NREP: variants seen among roughly 807,000 people sequenced by gnomAD.
NREP encodes the protein neuronal regeneration related protein, also known as neuronal regeneration-related protein.
In NREP, 5 loss-of-function variants were observed where a neutral mutation model predicts 8.6. The observed-to-expected ratio is 0.58, with a 90% CI of 0.30 to 1.22. The LOEUF (loss-of-function observed/expected upper bound fraction) is 1.22. Among genes scored for constraint, NREP ranks in the 50% most tolerant of loss-of-function variants. NREP has a pLI of 0.07. For synonymous variants in NREP, 27 were observed against 28.0 expected (o/e 0.96, Z 0.11); for missense variants, 86 against 82.5 (o/e 1.04, Z -0.17).
At chr5:111,932,325 C>T (rs1355862771) in intron 2 of NREP, among the ~76,000 whole-genome samples, 1 of 151,940 alleles carries the variant, frequency 6.6e-6, no homozygotes, top group Admixed American at 6.6e-5. Flanking sequence ...TCACAATATA[C>T]ACTGAATGGA....
chr5:111,931,923 G>A (rs1755548451), intron 2 of NREP, among the ~76,000 whole-genome samples: 1 of 151,934 alleles, frequency 6.6e-6, no homozygotes, highest in South Asian at 2.1e-4. Flanking sequence ...ACAACCATCT[G>A]GTGAGAGGCT....
At chr5:111,793,775 C>A (rs1310817651) in intron 2 of NREP, among the ~76,000 whole-genome samples, 2 of 152,148 alleles carry the variant, frequency 1.3e-5, no homozygotes, top group African/African-American at 4.8e-5. Context: ...TAAAAAATTT[C>A]TGGCTGGGCA....
chr5:111,849,007 T>C (rs570652290), intron 2 of NREP, among the ~76,000 whole-genome samples: 2 of 152,272 alleles, frequency 1.3e-5, no homozygotes, highest in East Asian at 3.9e-4. Flanking sequence ...TGGGTTAACC[T>C]CTGGTGTACA....
intron 2 of NREP, among the ~76,000 whole-genome samples, chr5:111,877,872 C>T (rs957394240): frequency 6.6e-6 from 1 of 152,184 alleles, no homozygotes; most frequent in Non-Finnish European, 1.5e-5. Context: ...CTAGTGTTAC[C>T]AGGTACCACA....
intron 2 of NREP, among the ~76,000 whole-genome samples, chr5:111,787,650 C>T (rs990222298): frequency 3.4e-4 from 51 of 151,740 alleles, no homozygotes; most frequent in African/African-American, 1.2e-3. Context: ...TAGTTAAAGC[C>T]GTAATTTCCA....
intron 2 of NREP, among the ~76,000 whole-genome samples, chr5:111,753,330 T>TTATATATATA (rs10546970): frequency 2.6e-4 from 36 of 140,800 alleles, no homozygotes; most frequent in African/African-American, 3.9e-4. Flanking sequence ...CAAGTTGATT[T>TTATATATATA]TATATATATA....
chr5:111,850,765 C>T (rs532229275), intron 2 of NREP, among the ~76,000 whole-genome samples: 8 of 152,154 alleles, frequency 5.3e-5, no homozygotes, highest in Non-Finnish European at 1.0e-4. Context: ...TCGTAAAACA[C>T]CACTTTTCTT....
chr5:111,976,271 T>C (rs1393224049), intron 1 of NREP, among the ~76,000 whole-genome samples: 1 of 152,236 alleles, frequency 6.6e-6, no homozygotes, highest in African/African-American at 2.4e-5. Flanking sequence ...AAACTAATAT[T>C]TGTTCTATGG....
intron 2 of NREP, among the ~76,000 whole-genome samples, chr5:111,946,040 G>C (rs974321181): frequency 6.6e-6 from 1 of 150,852 alleles, no homozygotes; most frequent in Non-Finnish European, 1.5e-5. Flanking sequence ...TGGACTAAGA[G>C]TGGAAAAGAG....
At chr5:111,747,686 C>T (rs1482060172) in intron 2 of NREP, among the ~76,000 whole-genome samples, 1 of 152,108 alleles carries the variant, frequency 6.6e-6, no homozygotes, top group Non-Finnish European at 1.5e-5. Flanking sequence ...TCCCAAATTT[C>T]AGTGAAAAGG....
chr5:111,968,239 G>C (rs1756700617), intron 2 of NREP, among the ~76,000 whole-genome samples: 1 of 151,656 alleles, frequency 6.6e-6, no homozygotes, highest in Non-Finnish European at 1.5e-5. Flanking sequence ...GGTACTTCAG[G>C]TTTAAAACAC....
chr5:111,939,319 G>A (rs1037487302), intron 2 of NREP, among the ~76,000 whole-genome samples: 3 of 151,978 alleles, frequency 2.0e-5, no homozygotes, highest in African/African-American at 7.2e-5. Flanking sequence ...TGATGGAGTA[G>A]GAAAAATACA....
At chr5:111,922,454 C>A (rs916333453) in intron 2 of NREP, among the ~76,000 whole-genome samples, 5 of 152,106 alleles carry the variant, frequency 3.3e-5, no homozygotes, top group Non-Finnish European at 7.4e-5. Flanking sequence ...AGTTAGTGAA[C>A]GTATCCACTG....
intron 2 of NREP, among the ~76,000 whole-genome samples, chr5:111,812,658 T>C (rs370345622): frequency 3.1e-4 from 47 of 152,282 alleles, no homozygotes; most frequent in Middle Eastern, 3.4e-3. Context: ...ATATTAAGTA[T>C]TTGGGACCCT....
chr5:111,758,980 C>G (rs552941662), upstream of NREP, among the ~76,000 whole-genome samples: 1 of 152,098 alleles, frequency 6.6e-6, no homozygotes, highest in Non-Finnish European at 1.5e-5. Flanking sequence ...AATTTTCCTG[C>G]AAAAATAAGA....
intron 2 of NREP, among the ~76,000 whole-genome samples, chr5:111,845,868 A>G (rs1464733445): frequency 6.6e-6 from 1 of 151,594 alleles, no homozygotes; most frequent in Admixed American, 6.6e-5. Context: ...AAAAAAAAAA[A>G]AGAAAAGAAA....
chr5:111,753,733 G>A (rs1750525120), intron 2 of NREP, among the ~76,000 whole-genome samples: 1 of 152,108 alleles, frequency 6.6e-6, no homozygotes, highest in African/African-American at 2.4e-5. Context: ...TTCACTAGAA[G>A]CAGTTTCTAC....
At position 111,797,635 on chromosome 5, in the gene NREP, G is replaced by T. The variant is rs560105197; in HGVS notation, c.136-62128C>A. The stretch of plus-strand genomic sequence containing the variant: ...AGAGGTGCTAGGCTGCAGAGTCTCA[G>T]ATGTCAAATGAGTACAAAATTGTGC... On this transcript the variant is annotated intron_variant, in intron 2 of 3. Transcript: ENST00000395634. Among the ~76,000 whole-genome samples, 8 of 152,294 alleles carry T rather than the reference G, an allele frequency of 5.3e-5. No individual in the cohort carries two copies. The South Asian group carries it at 1.7e-3, about 32-fold the overall frequency.
chr5:111,769,853 C>T (rs936259570), intron 2 of NREP, among the ~76,000 whole-genome samples: 1 of 152,098 alleles, frequency 6.6e-6, no homozygotes, highest in African/African-American at 2.4e-5. Context: ...CCATCACCTC[C>T]TACCAGGTCT....
Sources: allele counts gnomAD v4.1 joint callset (sites outside exome capture counted in the v4.1 genomes callset), GRCh38; gene constraint gnomAD v4.1.1; transcripts MANE v1.5; gene names NCBI Gene and HGNC (gene_info 2026-07-23, HGNC 2026-07-21).